CBLN2: variants seen among roughly 807,000 people sequenced by gnomAD.
The protein encoded by CBLN2 is cerebellin 2 precursor, also known as cerebellin-2.
Under a neutral mutation model 15.0 loss-of-function variants are expected in CBLN2, and 7 were observed. The observed-to-expected ratio is 0.47, with a 90% CI of 0.27 to 0.88. The LOEUF (loss-of-function observed/expected upper bound fraction) is 0.88, where lower values mean the gene tolerates loss of function less well. Among genes scored for constraint, CBLN2 ranks in the 40% least tolerant of loss-of-function variants. CBLN2 has a pLI of 0.14. For synonymous variants in CBLN2, 149 were observed against 135.2 expected, an observed-to-expected ratio of 1.10 and a Z score of -0.71; for missense variants, 242 against 304.5, an observed-to-expected ratio of 0.79 and a Z score of 1.53.
At chr18:72,565,027 A>G (rs1599001121) in intron 1 of CBLN2, among the ~76,000 whole-genome samples, 1 of 152,252 alleles carries the variant, frequency 6.6e-6, no homozygotes, top group Non-Finnish European at 1.5e-5. Flanking sequence ...GGCCAAGAAT[A>G]GCACTCAGCA....
chr18:72,615,673 A>T (rs1431276319), intron 1 of CBLN2, among the ~76,000 whole-genome samples: 1 of 152,076 alleles, frequency 6.6e-6, no homozygotes, highest in Non-Finnish European at 1.5e-5. Context: ...CTCTTGCACA[A>T]TATATATATT....
intron 1 of CBLN2, among the ~76,000 whole-genome samples, chr18:72,604,600 A>T (rs1321678801): frequency 5.3e-5 from 8 of 152,166 alleles, no homozygotes; most frequent in Non-Finnish European, 5.9e-5. Flanking sequence ...CCTTTTAGAG[A>T]TGATTGAATC....
In CBLN2 at chr18:72,542,232, G is replaced by A. The variant is rs1433091115; in HGVS notation, c.-72C>T. 5.8e-6 allele frequency: 6 copies of A among 1,038,242 alleles called. No individual in the cohort carries two copies. The East Asian group carries it at 2.3e-4, about 39-fold the overall frequency. 64.3% of individuals were successfully genotyped at this position (1,038,242 alleles called of 1,614,324 possible). A position where few individuals can be genotyped will look rare whatever the true frequency, so the allele number is the denominator to read the frequency against. On this transcript the variant is annotated 5_prime_UTR_variant, in exon 3 of 5. Transcript: ENST00000269503. Reference sequence around the variant, plus strand: ...GCGAGCGGCGCGGAAGGGCGCGAAGGAACGCGCGGAGCTCGCAGCAGCCTC... The same window carrying A: ...GCGAGCGGCGCGGAAGGGCGCGAAGAAACGCGCGGAGCTCGCAGCAGCCTC...
chr18:72,619,031 G>T (rs2069682062), intron 1 of CBLN2: 1 of 761,486 alleles, frequency 1.3e-6, no homozygotes, highest in Non-Finnish European at 2.4e-6. Flanking sequence ...AATTTTGGAG[G>T]TGGTGGAAGC....
chr18:72,567,107 G>A (rs2069300136), intron 1 of CBLN2, among the ~76,000 whole-genome samples: 1 of 152,162 alleles, frequency 6.6e-6, no homozygotes, highest in Non-Finnish European at 1.5e-5. Context: ...ACAGACAGGA[G>A]GCACCGCGCC....
intron 1 of CBLN2, among the ~76,000 whole-genome samples, chr18:72,586,622 A>T (rs924528061): frequency 1.3e-5 from 2 of 152,328 alleles, no homozygotes; most frequent in Non-Finnish European, 1.5e-5. Context: ...CCAAACTTGA[A>T]CATTTTATTG....
chr18:72,609,471 C>T (rs1055951891), intron 1 of CBLN2, among the ~76,000 whole-genome samples: 1 of 152,040 alleles, frequency 6.6e-6, no homozygotes. Flanking sequence ...AGAAACCAGG[C>T]ATGCTGACAC....
At position 72,543,366 on chromosome 18, in the gene CBLN2, T is replaced by C; in HGVS notation, c.-167+120A>G. 1 of 394,154 alleles carries C rather than the reference T, an allele frequency of 2.5e-6. No individual in the cohort carries two copies. The highest frequency in any genetic ancestry group is 4.5e-6 in the Non-Finnish European group (1 of 223,324). 24.4% of individuals were successfully genotyped at this position (394,154 alleles called of 1,614,324 possible). ...CGCTGTCCGCAGCCCCGATCCTACA[T>C]GATTTCCCTTCTCTCTCTCCACCTC... On this transcript the variant is annotated intron_variant, in intron 2 of 4. Transcript: ENST00000269503. This position sits in a 1 kb window ranked among gnomAD's most constrained non-coding sequence, Gnocchi z 6.8.
At chr18:72,546,652 C>A (rs2069160407), upstream of CBLN2, among the ~76,000 whole-genome samples, 1 of 152,126 alleles carries the variant, frequency 6.6e-6, no homozygotes, top group Non-Finnish European at 1.5e-5. Context: ...ATAACAATGA[C>A]AGCCATTTAT....
chr18:72,580,199 TC>T (rs2069393994), intron 1 of CBLN2, among the ~76,000 whole-genome samples: 1 of 152,090 alleles, frequency 6.6e-6, no homozygotes, highest in South Asian at 2.1e-4. Context: ...CTAGAAATGT[TC>T]TTAAAAGCTA....
chr18:72,573,133 CA>C (rs1427185634), intron 1 of CBLN2, among the ~76,000 whole-genome samples: 1 of 152,136 alleles, frequency 6.6e-6, no homozygotes, highest in Non-Finnish European at 1.5e-5. Flanking sequence ...AAACTCAGGG[CA>C]AACACACATC....
chr18:72,588,684 C>T (rs2069458723), intron 1 of CBLN2, among the ~76,000 whole-genome samples: 1 of 152,158 alleles, frequency 6.6e-6, no homozygotes, highest in African/African-American at 2.4e-5. Context: ...AGGAAAGCTC[C>T]TCTTGGGGTA....
intron 1 of CBLN2, among the ~76,000 whole-genome samples, chr18:72,554,895 G>T (rs1471145266): frequency 6.6e-6 from 1 of 152,126 alleles, no homozygotes; most frequent in Non-Finnish European, 1.5e-5. Flanking sequence ...CAACACTCTG[G>T]GAGGCCTAGA....
At chr18:72,552,429 T>A (rs979383592) in intron 1 of CBLN2, 2 of 152,086 alleles carry the variant, frequency 1.3e-5, no homozygotes, top group African/African-American at 4.8e-5. Flanking sequence ...AATCAGCTTA[T>A]CATACAAATA....
At chr18:72,597,451 C>A (rs977682311) in intron 1 of CBLN2, among the ~76,000 whole-genome samples, 11 of 152,142 alleles carry the variant, frequency 7.2e-5, no homozygotes, top group African/African-American at 2.7e-4. Context: ...CACAAGTAAC[C>A]CTATGGCCAC....
At chr18:72,566,418 T>C (rs901343515) in intron 1 of CBLN2, among the ~76,000 whole-genome samples, 9 of 152,206 alleles carry the variant, frequency 5.9e-5, no homozygotes, top group Admixed American at 1.3e-4. Context: ...TCAACTTAAG[T>C]GTCCATCAAC....
upstream of CBLN2, among the ~76,000 whole-genome samples, chr18:72,548,506 C>T (rs1049871553): frequency 1.3e-5 from 2 of 152,136 alleles, no homozygotes; most frequent in African/African-American, 2.4e-5. Flanking sequence ...TAGAGTTGCT[C>T]ATTGCCCAAA....
intron 1 of CBLN2, among the ~76,000 whole-genome samples, chr18:72,572,811 TG>T (rs2069340562): frequency 6.6e-6 from 1 of 152,088 alleles, no homozygotes; most frequent in Non-Finnish European, 1.5e-5. Context: ...ACAAGTTTTA[TG>T]TGTTCATTAT....
chr18:72,570,592 AC>A lies in CBLN2; in HGVS notation c.16-31821del, dbSNP rs145336745. 1.9e-3 allele frequency among the ~76,000 whole-genome samples: 285 copies of A among 151,688 alleles called. 1 individual carries two copies. Among genetic ancestry groups the A allele is most frequent in the African/African-American group, 6.2e-3 (257 of 41,372 alleles). On this transcript the variant is annotated intron_variant, in intron 1 of 2. Coordinates refer to the CBLN2 transcript ENST00000581073. ...CATGCCTGAATGAGGCTTATCTAAC[AC>A]ATGCATTTTTTTTTCCATAAAGCAC...
Sources: allele counts gnomAD v4.1 joint callset (sites outside exome capture counted in the v4.1 genomes callset), GRCh38; gene constraint gnomAD v4.1.1; non-coding constraint Gnocchi (gnomAD v3.1); transcripts MANE v1.5; gene names NCBI Gene and HGNC (gene_info 2026-07-23, HGNC 2026-07-21).